Variants in PDE4D observed in about 807,000 individuals in gnomAD.
PDE4D encodes the protein phosphodiesterase 4D, also known as 3',5'-cyclic-AMP phosphodiesterase 4D.
In PDE4D, 24 loss-of-function variants were observed where a neutral mutation model predicts 87.4. The ratio of observed to expected loss-of-function variants is 0.27; its 90% CI spans 0.20 to 0.39. PDE4D has a LOEUF of 0.39. Ranked by LOEUF, PDE4D falls within the 10% of genes least tolerant of loss-of-function variation. The pLI is 1.00. For missense variants in PDE4D, 714 were observed against 1,041.0 expected (o/e 0.69, Z 4.32); for synonymous variants, 384 against 383.2 (o/e 1.00, Z -0.02).
chr5:59,676,822 CGTT>C (rs1748171043), intron 1 of PDE4D, among the ~76,000 whole-genome samples: 1 of 151,988 alleles, frequency 6.6e-6, no homozygotes, highest in Non-Finnish European at 1.5e-5. Context: ...TATAATATAT[CGTT>C]GTTAACTATA....
intron 1 of PDE4D, among the ~76,000 whole-genome samples, chr5:59,632,257 A>T (rs976491830): frequency 6.6e-6 from 1 of 152,160 alleles, no homozygotes; most frequent in Non-Finnish European, 1.5e-5. Context: ...GGGCTTACAG[A>T]TAAAACTCCC....
chr5:59,305,306 A>AT (rs1771103852), intron 1 of PDE4D, among the ~76,000 whole-genome samples: 1 of 151,774 alleles, frequency 6.6e-6, no homozygotes, highest in Admixed American at 6.6e-5. Flanking sequence ...AATCTTGCTA[A>AT]TGGTCTATCA....
intron 1 of PDE4D, among the ~76,000 whole-genome samples, chr5:59,306,182 T>C (rs1771319737): frequency 6.6e-6 from 1 of 152,194 alleles, no homozygotes; most frequent in South Asian, 2.1e-4. Context: ...CTTTAAAGTT[T>C]GTTTTGTGTG....
At chr5:59,707,395 C>T (rs1478615320) in intron 1 of PDE4D, among the ~76,000 whole-genome samples, 1 of 152,180 alleles carries the variant, frequency 6.6e-6, no homozygotes, top group Non-Finnish European at 1.5e-5. Context: ...GGAAACTCAT[C>T]CACAAGATGG....
At chr5:60,132,577 G>C (rs1404520662) in intron 2 of PDE4D, among the ~76,000 whole-genome samples, 1 of 152,062 alleles carries the variant, frequency 6.6e-6, no homozygotes, top group Non-Finnish European at 1.5e-5. Flanking sequence ...ATCATACTCA[G>C]TCATTCATGC....
intron 6 of PDE4D, among the ~76,000 whole-genome samples, chr5:59,023,467 C>CAAA (rs3060391): frequency 7.8e-6 from 1 of 128,612 alleles, no homozygotes; most frequent in African/African-American, 2.8e-5. Flanking sequence ...CCTGTCTCTA[C>CAAA]AAAAAAAAAA....
intron 1 of PDE4D, among the ~76,000 whole-genome samples, chr5:59,871,568 C>G (rs1385812758): frequency 6.6e-6 from 1 of 152,166 alleles, no homozygotes; most frequent in African/African-American, 2.4e-5. Flanking sequence ...TGAAAGGTAC[C>G]ATGCTGAAAG....
At chr5:59,637,140 A>C (rs1403619337) in intron 1 of PDE4D, among the ~76,000 whole-genome samples, 2 of 152,250 alleles carry the variant, frequency 1.3e-5, no homozygotes, top group African/African-American at 4.8e-5. Flanking sequence ...CAAGCATATG[A>C]AAAAAGCTCA....
chr5:59,027,894 C>A (rs943369770), intron 6 of PDE4D, among the ~76,000 whole-genome samples: 1 of 151,772 alleles, frequency 6.6e-6, no homozygotes, highest in Non-Finnish European at 1.5e-5. Context: ...AGCTTCTAGA[C>A]CCTCTCGGCT....
chr5:60,041,509 G>A (rs115482828), intron 2 of PDE4D, among the ~76,000 whole-genome samples: 1 of 152,164 alleles, frequency 6.6e-6, no homozygotes, highest in South Asian at 2.1e-4. Flanking sequence ...TGGCTGGCTG[G>A]CAAGATGGCC....
intron 2 of PDE4D, chr5:60,127,686 G>C: frequency 1.7e-6 from 1 of 583,458 alleles, no homozygotes; most frequent in East Asian, 3.0e-5. Flanking sequence ...AGCAGGCTGT[G>C]AGGGGAAAAC....
At chr5:59,903,980 G>T (rs1453143030) in intron 3 of PDE4D, among the ~76,000 whole-genome samples, 1 of 152,084 alleles carries the variant, frequency 6.6e-6, no homozygotes, top group Non-Finnish European at 1.5e-5. Context: ...TTACAGCTTT[G>T]CTGAGCCTTA....
intron 1 of PDE4D, among the ~76,000 whole-genome samples, chr5:60,467,658 A>T (rs890428846): frequency 7.9e-5 from 12 of 152,308 alleles, no homozygotes; most frequent in Admixed American, 7.8e-4. Context: ...TGCTATAAAG[A>T]ACTACCTGAG....
rs182972794 is a variant in PDE4D at position 59,725,465 on chromosome 5, C to A, written c.455+167703G>T. Reference sequence around the variant, plus strand: ...TTGAAATACCAAGCAAAAAAGAGTACGTAAAAGAGCAAGAGGACTTTCTGA... The same window carrying A: ...TTGAAATACCAAGCAAAAAAGAGTAAGTAAAAGAGCAAGAGGACTTTCTGA... On this transcript the variant is annotated intron_variant, in intron 1 of 14. Coordinates refer to ENST00000340635, the MANE Select transcript of PDE4D (RefSeq NM_001104631.2). Among the ~76,000 whole-genome samples the A allele has an allele frequency of 1.3e-3, 194 of 152,070 alleles. 2 individuals carry two copies. Among genetic ancestry groups the A allele is most frequent in the African/African-American group, 4.6e-3 (189 of 41,502 alleles).
intron 1 of PDE4D, among the ~76,000 whole-genome samples, chr5:59,464,478 T>G (rs1801265155): frequency 6.6e-6 from 1 of 152,226 alleles, no homozygotes; most frequent in Non-Finnish European, 1.5e-5. Context: ...TTGTCTATGA[T>G]GCAAAGACCT....
At chr5:59,785,351 T>C (rs1232115390) in intron 1 of PDE4D, among the ~76,000 whole-genome samples, 2 of 152,226 alleles carry the variant, frequency 1.3e-5, no homozygotes. Context: ...CCATAATATT[T>C]CTAAAAATTA....
At chr5:59,127,586 T>C (rs565250906) in intron 5 of PDE4D, among the ~76,000 whole-genome samples, 2 of 149,066 alleles carry the variant, frequency 1.3e-5, no homozygotes, top group South Asian at 2.2e-4. Flanking sequence ...GACTTCCCTC[T>C]TTGCTTCTTT....
intron 2 of PDE4D, among the ~76,000 whole-genome samples, chr5:60,039,204 T>C (rs559054699): frequency 4.5e-4 from 69 of 152,098 alleles, no homozygotes; most frequent in Non-Finnish European, 9.0e-4. Context: ...CCAAGAATGA[T>C]AGACTGGATT....
At chr5:59,643,190 A>G (rs77959028) in intron 1 of PDE4D, among the ~76,000 whole-genome samples, 1,754 of 152,282 alleles carry the variant, frequency 0.012, 41 homozygotes, top group African/African-American at 0.04. Context: ...CATGCTGGAG[A>G]GCTTCCAGGT....
Sources: allele counts gnomAD v4.1 joint callset (sites outside exome capture counted in the v4.1 genomes callset), GRCh38; gene constraint gnomAD v4.1.1; transcripts MANE v1.5; gene names NCBI Gene and HGNC (gene_info 2026-07-23, HGNC 2026-07-21).